LCP1: variants seen among roughly 807,000 people sequenced by gnomAD.
LCP1 encodes plastin-2.
Under a neutral mutation model 72.0 loss-of-function variants are expected in LCP1, and 23 were observed. The ratio of observed to expected loss-of-function variants is 0.32; its 90% confidence interval spans 0.23 to 0.45. The LOEUF (loss-of-function observed/expected upper bound fraction) is 0.45, where lower values mean the gene tolerates loss of function less well. Among genes scored for constraint, LCP1 ranks in the 20% least tolerant of loss-of-function variants. LCP1 has a pLI of 1.00. For synonymous variants in LCP1, 245 were observed against 275.4 expected (o/e 0.89, Z 1.09); for missense variants, 571 against 748.3 (o/e 0.76, Z 2.76).
intron 1 of LCP1, among the ~76,000 whole-genome samples, chr13:46,180,954 T>C (rs2045953074): frequency 6.6e-6 from 1 of 152,226 alleles, no homozygotes; most frequent in African/African-American, 2.4e-5. Context: ...GGTGGTCACA[T>C]TTTGCAGTTT....
chr13:46,156,596 C>A (rs773872781), intron 4 of LCP1, 26 bp from the exon 5 acceptor site: 1 of 1,613,826 alleles, frequency 6.2e-7, no homozygotes, highest in Non-Finnish European at 8.5e-7. Flanking sequence ...TAAAGTGACT[C>A]ATTTGCAAAG....
chr13:46,132,259 G>A (rs1419820480), intron 14 of LCP1, among the ~76,000 whole-genome samples: 1 of 152,106 alleles, frequency 6.6e-6, no homozygotes, highest in East Asian at 1.9e-4. Flanking sequence ...CACCCCAGAA[G>A]CCACAGCCTA....
intron 1 of LCP1, among the ~76,000 whole-genome samples, chr13:46,178,082 A>G (rs1368693255): frequency 6.6e-6 from 1 of 152,188 alleles, no homozygotes; most frequent in Non-Finnish European, 1.5e-5. Flanking sequence ...AATTGATCCA[A>G]TTGTAGAAAA....
At chr13:46,148,625 C>G (rs762948769) in intron 8 of LCP1, among the ~76,000 whole-genome samples, 178 bp from the exon 9 acceptor site, 1 of 152,118 alleles carries the variant, frequency 6.6e-6, no homozygotes, top group Non-Finnish European at 1.5e-5. Context: ...CTTTACATAT[C>G]ACATTTGCTT....
chr13:46,170,492 G>A (rs1036217758), intron 1 of LCP1, among the ~76,000 whole-genome samples: 4 of 152,318 alleles, frequency 2.6e-5, no homozygotes, highest in South Asian at 2.1e-4. Flanking sequence ...GGGCCTGCTT[G>A]TAAGCTGAGC....
At chr13:46,146,267 C>T (rs1048018598) in intron 10 of LCP1, among the ~76,000 whole-genome samples, 2 of 152,126 alleles carry the variant, frequency 1.3e-5, no homozygotes, top group African/African-American at 4.8e-5. Flanking sequence ...AATCTCCTTG[C>T]TTGGGTGATA....
chr13:46,133,284 T>C (rs1037633280), intron 14 of LCP1, among the ~76,000 whole-genome samples: 7 of 152,186 alleles, frequency 4.6e-5, no homozygotes, highest in Non-Finnish European at 1.0e-4. Flanking sequence ...GCTTTTAAAA[T>C]CATGGATTTT....
At position 46,158,897 on chromosome 13, in the gene LCP1, T is replaced by G; in HGVS notation, c.157A>C (p.Ile53Leu). 6.2e-7 allele frequency: 1 copy of G among 1,614,222 alleles called. No homozygotes were observed. Reference protein sequence around the residue: ...LPLPGYRVREITENLMATGDL... With the variant: ...LPLPGYRVRELTENLMATGDL... ...CCTGTAGCCATCAGGTTTTCTGTAA[T>G]TTCTCGTACTCTATACCCAGGCAAA... The change falls in exon 3 of 16, where the codon ATT becomes CTT. Residue 53 changes from isoleucine (I) to leucine (L), a missense_variant. By Grantham distance (5) the Ile-to-Leu change is conservative. Transcript: ENST00000323076.
chr13:46,149,042 G>A (rs965696698), intron 8 of LCP1, among the ~76,000 whole-genome samples: 7 of 152,118 alleles, frequency 4.6e-5, no homozygotes, highest in Admixed American at 2.6e-4. Context: ...TACAGGTATT[G>A]AATTCTCAAG....
chr13:46,164,746 C>A (rs1238286309), intron 1 of LCP1, among the ~76,000 whole-genome samples: 1 of 152,196 alleles, frequency 6.6e-6, no homozygotes, highest in Non-Finnish European at 1.5e-5. Flanking sequence ...CCTGGAAACA[C>A]AACCTAACTT....
intron 13 of LCP1, among the ~76,000 whole-genome samples, chr13:46,136,384 G>A (rs2045665408): frequency 6.6e-6 from 1 of 152,096 alleles, no homozygotes; most frequent in South Asian, 2.1e-4. Context: ...CCTCGGACAG[G>A]GTCCATGTGC....
intron 8 of LCP1, 144 bp downstream of exon 8, chr13:46,150,792 G>C (rs1414009322): frequency 1.5e-5 from 13 of 854,638 alleles, no homozygotes; most frequent in Non-Finnish European, 2.4e-5. Context: ...GGGCTCTCAA[G>C]GACAGTGAGC....
chr13:46,175,941 C>T (rs1443263022), intron 1 of LCP1, among the ~76,000 whole-genome samples: 1 of 152,172 alleles, frequency 6.6e-6, no homozygotes, highest in African/African-American at 2.4e-5. Context: ...TTATATCCCA[C>T]TCTTCTTTGT....
Position 46,158,811 on chromosome 13 carries a change from C to T in LCP1, c.228+15G>A, listed in dbSNP as rs1274336320. ...AGTTTCAAATGTGTCTCCTTGTATT[C>T]TGCATGGTACTCACCTTGATAAACT... On this transcript the variant is annotated intron_variant, in intron 3 of 15. Coordinates refer to ENST00000323076, the MANE Select transcript of LCP1 (RefSeq NM_002298.5). 1.9e-6 allele frequency: 3 copies of T among 1,613,146 alleles called. No individual in the cohort carries two copies. The highest frequency in any genetic ancestry group is 2.5e-6 in the Non-Finnish European group (3 of 1,179,490).
intron 8 of LCP1, among the ~76,000 whole-genome samples, chr13:46,149,185 T>C (rs1206965174): frequency 6.6e-6 from 1 of 152,232 alleles, no homozygotes; most frequent in African/African-American, 2.4e-5. Context: ...TTTAATAGCA[T>C]CTCAATTTCT....
At chr13:46,153,143 C>A in intron 6 of LCP1, 198 bp from the exon 7 acceptor site, 1 of 498,502 alleles carries the variant, frequency 2.0e-6, no homozygotes, top group Non-Finnish European at 3.5e-6. Flanking sequence ...ACCGACCACT[C>A]ATGCAGTGGT....
chr13:46,151,331 G>T (rs768888636), intron 7 of LCP1, among the ~76,000 whole-genome samples: 3 of 152,168 alleles, frequency 2.0e-5, no homozygotes, highest in Non-Finnish European at 2.9e-5. Context: ...GAATCTCAAC[G>T]CTATGTTTAA....
chr13:46,153,879 G>A (rs569943312), intron 6 of LCP1, among the ~76,000 whole-genome samples: 17 of 152,220 alleles, frequency 1.1e-4, no homozygotes, highest in African/African-American at 2.2e-4. Context: ...TGCAGGTAAT[G>A]TAACTCACAT....
At chr13:46,153,425 G>A (rs545177216) in intron 6 of LCP1, among the ~76,000 whole-genome samples, 216 of 152,314 alleles carry the variant, frequency 1.4e-3, no homozygotes, top group African/African-American at 5.1e-3. Flanking sequence ...GAAAAGGCTG[G>A]CACGGTGGCT....
Sources: allele counts gnomAD v4.1 joint callset (sites outside exome capture counted in the v4.1 genomes callset), GRCh38; gene constraint gnomAD v4.1.1; transcripts MANE v1.5; gene names NCBI Gene and HGNC (gene_info 2026-07-23, HGNC 2026-07-21).